Variants in MPP7 observed in about 807,000 individuals in gnomAD.
MPP7 encodes the protein MAGUK p55 scaffold protein 7, also known as MAGUK p55 subfamily member 7.
Under a neutral mutation model 76.5 loss-of-function variants are expected in MPP7, and 60 were observed. The ratio of observed to expected loss-of-function variants is 0.78; its 90% CI spans 0.64 to 0.97. The LOEUF (loss-of-function observed/expected upper bound fraction) is 0.97, where lower values mean the gene tolerates loss of function less well. Ranked by LOEUF, MPP7 falls within the 50% of genes least tolerant of loss-of-function variation. The probability of loss-of-function intolerance (pLI) is 0.00; values close to 1 mark genes in which losing one functional copy is unlikely to be tolerated. For synonymous variants in MPP7, 237 were observed against 244.5 expected, an observed-to-expected ratio of 0.97 and a Z score of 0.29; for missense variants, 641 against 694.0, an observed-to-expected ratio of 0.92 and a Z score of 0.86.
intron 1 of MPP7, among the ~76,000 whole-genome samples, 158 bp from the exon 2 acceptor site, chr10:28,238,893 A>G (rs997514644): frequency 1.3e-5 from 2 of 152,216 alleles, no homozygotes; most frequent in Non-Finnish European, 2.9e-5. Flanking sequence ...AAACTGTGAG[A>G]GTTTCTGATC....
At chr10:28,109,946 G>A (rs183329004) in intron 11 of MPP7, among the ~76,000 whole-genome samples, 91 of 144,678 alleles carry the variant, frequency 6.3e-4, no homozygotes, top group African/African-American at 2.2e-3. Context: ...AAAACAGTTT[G>A]TTTTATATTT....
At chr10:28,175,465 A>G (rs771867810) in intron 3 of MPP7, among the ~76,000 whole-genome samples, 14 of 152,184 alleles carry the variant, frequency 9.2e-5, no homozygotes, top group Non-Finnish European at 1.6e-4. Flanking sequence ...CCATGAAATA[A>G]AAGTATGTGA....
chr10:28,195,663 G>T (rs1267040908), intron 3 of MPP7, among the ~76,000 whole-genome samples: 1 of 152,210 alleles, frequency 6.6e-6, no homozygotes, highest in African/African-American at 2.4e-5. Context: ...CCATTTATAT[G>T]AAATTTCCAG....
intron 3 of MPP7, among the ~76,000 whole-genome samples, chr10:28,169,338 T>G (rs1160268658): frequency 6.9e-6 from 1 of 144,730 alleles, no homozygotes; most frequent in East Asian, 2.0e-4. Flanking sequence ...AAAAAAAAAA[T>G]TAATTAGCCA....
chr10:28,269,584 T>C (rs1393404744), intron 1 of MPP7, among the ~76,000 whole-genome samples: 1 of 151,142 alleles, frequency 6.6e-6, no homozygotes, highest in African/African-American at 2.4e-5. Context: ...TGGAGTGCAG[T>C]GGCATGATCA....
At chr10:28,232,920 T>C (rs1259216219) in intron 2 of MPP7, among the ~76,000 whole-genome samples, 2 of 152,240 alleles carry the variant, frequency 1.3e-5, no homozygotes, top group African/African-American at 4.8e-5. Context: ...AAAGGTTTTT[T>C]ATGTGCATTT....
At chr10:28,099,467 T>C (rs1249033883) in intron 11 of MPP7, among the ~76,000 whole-genome samples, 2 of 152,214 alleles carry the variant, frequency 1.3e-5, no homozygotes, top group African/African-American at 4.8e-5. Context: ...AGTGAAATAG[T>C]CTTGACTCAT....
At chr10:28,121,361 T>C (rs1211904539) in intron 8 of MPP7, among the ~76,000 whole-genome samples, 1 of 151,370 alleles carries the variant, frequency 6.6e-6, no homozygotes, top group Admixed American at 6.6e-5. Flanking sequence ...ACCTATAATG[T>C]CAGTAGTGCA....
At chr10:28,146,657 G>A (rs1210276289) in intron 5 of MPP7, among the ~76,000 whole-genome samples, 1 of 151,984 alleles carries the variant, frequency 6.6e-6, no homozygotes, top group Non-Finnish European at 1.5e-5. Context: ...AAAAAAAGTA[G>A]AAACTAGTTT....
chr10:28,060,651 C>T (rs894990221), intron 13 of MPP7, among the ~76,000 whole-genome samples: 12 of 152,200 alleles, frequency 7.9e-5, no homozygotes, highest in Non-Finnish European at 2.9e-5. Context: ...GAAGCCCTAA[C>T]GTTCTGGTGC....
intron 6 of MPP7, 101 bp downstream of exon 6, chr10:28,131,459 A>T: frequency 9.7e-7 from 1 of 1,031,422 alleles, no homozygotes; most frequent in African/African-American, 1.7e-5. Flanking sequence ...TTTAAAGTTT[A>T]AGAACATAGA....
At chr10:28,147,096 A>T (rs1317741463) in intron 5 of MPP7, among the ~76,000 whole-genome samples, 1 of 152,140 alleles carries the variant, frequency 6.6e-6, no homozygotes, top group Non-Finnish European at 1.5e-5. Flanking sequence ...AAGAAAGAGG[A>T]ATGCTGAAAT....
At chr10:28,113,618 T>C (rs1465516978) in intron 11 of MPP7, among the ~76,000 whole-genome samples, 1 of 151,814 alleles carries the variant, frequency 6.6e-6, no homozygotes, top group Non-Finnish European at 1.5e-5. Flanking sequence ...GAAAGAAGTA[T>C]CCCAAGAAAG....
chr10:28,231,816 C>A (rs1279243706), intron 2 of MPP7, among the ~76,000 whole-genome samples: 1 of 152,128 alleles, frequency 6.6e-6, no homozygotes, highest in Non-Finnish European at 1.5e-5. Flanking sequence ...AAGTTAATAT[C>A]AATCTTTCAC....
chr10:28,227,377 G>A (rs892404570), intron 2 of MPP7, among the ~76,000 whole-genome samples: 3 of 149,094 alleles, frequency 2.0e-5, no homozygotes, highest in Non-Finnish European at 4.5e-5. Flanking sequence ...GTAAACGTGT[G>A]CCATGGTGGT....
At chr10:28,103,696 A>G in intron 11 of MPP7, among the ~76,000 whole-genome samples, 1 of 152,084 alleles carries the variant, frequency 6.6e-6, no homozygotes, top group East Asian at 1.9e-4. Context: ...ATTTCTGTTG[A>G]AACTCCAGTG....
At chr10:28,098,128 CCTATA>C (rs1853654454) in intron 11 of MPP7, among the ~76,000 whole-genome samples, 1 of 151,868 alleles carries the variant, frequency 6.6e-6, no homozygotes, top group South Asian at 2.1e-4. Flanking sequence ...ATTATAACTA[CCTATA>C]CTATAATTTC....
At chr10:28,065,472 C>G (rs985930886) in intron 13 of MPP7, among the ~76,000 whole-genome samples, 1 of 152,100 alleles carries the variant, frequency 6.6e-6, no homozygotes, top group Non-Finnish European at 1.5e-5. Flanking sequence ...AACTCATTCA[C>G]AACAAGGAAT....
chr10:28,178,127 T>A (rs928087680), intron 3 of MPP7, among the ~76,000 whole-genome samples: 3 of 152,142 alleles, frequency 2.0e-5, no homozygotes, highest in African/African-American at 7.2e-5. Flanking sequence ...AGTTCTTTGT[T>A]GTGAGGGGCT....
Sources: gnomAD v4.1 joint callset for allele counts (sites outside exome capture counted in the v4.1 genomes callset) on GRCh38, gnomAD v4.1.1 for gene constraint, MANE v1.5 for transcripts, NCBI Gene and HGNC (gene_info 2026-07-23, HGNC 2026-07-21) for gene names.